The following SYNE1 variants were observed in gnomAD, a reference collection of about 807,000 sequenced individuals.
SYNE1 encodes the protein nesprin-1.
In SYNE1, 616 loss-of-function variants were observed where a neutral mutation model predicts 1,111.0. The observed-to-expected ratio is 0.55, with a 90% CI of 0.52 to 0.59. The LOEUF (loss-of-function observed/expected upper bound fraction) is 0.59, where lower values mean the gene tolerates loss of function less well. Ranked by LOEUF, SYNE1 falls within the 20% of genes least tolerant of loss-of-function variation. The pLI, the probability that SYNE1 is intolerant of heterozygous loss-of-function variation, is 0.00. For synonymous variants in SYNE1, 3,855 were observed against 3,825.8 expected (o/e 1.01, Z -0.28); for missense variants, 10,006 against 10,417.0 (o/e 0.96, Z 1.72).
At chr6:152,601,044 C>T (rs1323982299) in intron 3 of SYNE1, among the ~76,000 whole-genome samples, 4 of 152,180 alleles carry the variant, frequency 2.6e-5, no homozygotes, top group Admixed American at 6.5e-5. Flanking sequence ...GGGAAGATCA[C>T]TTTCCAAATC....
At chr6:152,589,790 A>C (rs1295813950) in intron 3 of SYNE1, among the ~76,000 whole-genome samples, 1 of 152,168 alleles carries the variant, frequency 6.6e-6, no homozygotes. Context: ...CTACTACTTT[A>C]GCAAACCTTA....
chr6:152,434,651 A>G (rs1160411634), intron 33 of SYNE1: 1 of 152,154 alleles, frequency 6.6e-6, no homozygotes, highest in Non-Finnish European at 1.5e-5. Flanking sequence ...TTTCAACTAT[A>G]GATTTCTAAT....
intron 87 of SYNE1, chr6:152,311,104 A>T (rs1318298493): frequency 3.5e-6 from 2 of 566,890 alleles, no homozygotes; most frequent in African/African-American, 3.7e-5. Flanking sequence ...GTCACATGTC[A>T]TACTACGTGT....
Position 152,149,614 on chromosome 6 carries a change from G to C in SYNE1, c.24505C>G (p.Gln8169Glu), listed in dbSNP as rs200061696. ...NHNKIEQIIA[Q>E]GEQLIEKSEP... is the part of the protein sequence containing the mutation. ...CTCTTTTCTATCAGCTGTTCTCCTT[G>C]GGCAATTATCTGCTCAATCTTATTG... The change falls in exon 136 of 146, where the codon CAA (glutamine) becomes GAA (glutamate). Residue 8169 changes from glutamine to glutamate, a missense_variant. Around this residue, in one of 7 missense-constraint regions of SYNE1, gnomAD observed 761 missense variants for 795.5 expected, o/e 0.96. Transcript: ENST00000367255. 1.2e-6 allele frequency: 2 copies of C among 1,613,988 alleles called. No individual in the cohort carries two copies. The highest frequency in any genetic ancestry group is 2.2e-5 in the East Asian group (1 of 44,866).
intron 145 of SYNE1, chr6:152,125,194 TG>T: frequency 6.6e-7 from 1 of 1,512,066 alleles, no homozygotes; most frequent in Non-Finnish European, 8.9e-7. Context: ...CCGCACTCTC[TG>T]CTGTGAAATG....
Position 152,255,699 on chromosome 6 carries a change from A to G in SYNE1, c.19152T>C (p.Tyr6384=), listed in dbSNP as rs753327087. 1 of 1,614,240 alleles carries G rather than the reference A, an allele frequency of 6.2e-7. No individual in the cohort carries two copies. The highest frequency in any genetic ancestry group is 1.7e-5 in the Admixed American group (1 of 60,028). ...AAGTAGAGGTGGCTGAGACTCCATC[A>G]TACAACTTCTGCTCCAAGTGTATAC... The part of the protein sequence containing the change: ...RQSIHLEQKL[Y]DGVSATSTWL... Residue 6384 remains tyrosine, a synonymous_variant, in exon 103 of 146, where the codon TAT becomes TAC. Coordinates refer to ENST00000367255, the MANE Select transcript of SYNE1 (RefSeq NM_182961.4).
At chr6:152,206,557 G>GGTAA (rs1391469230) in intron 125 of SYNE1, among the ~76,000 whole-genome samples, 195 bp from the exon 126 acceptor site, 1 of 152,174 alleles carries the variant, frequency 6.6e-6, no homozygotes, top group Non-Finnish European at 1.5e-5. Flanking sequence ...CTGTCTCCAA[G>GGTAA]GTAAGTACGA....
chr6:152,596,037 A>G (rs1320697452), intron 3 of SYNE1, among the ~76,000 whole-genome samples: 1 of 124,870 alleles, frequency 8.0e-6, no homozygotes, highest in African/African-American at 3.0e-5. Flanking sequence ...GATTCTACAT[A>G]TTTCTTTCTG....
chr6:152,499,506 T>C (rs1338811554), intron 10 of SYNE1, among the ~76,000 whole-genome samples: 1 of 152,078 alleles, frequency 6.6e-6, no homozygotes, highest in Non-Finnish European at 1.5e-5. Context: ...GGTAGATATG[T>C]TCATGCCAAG....
At chr6:152,124,498 C>T (rs2052625140) in intron 145 of SYNE1, among the ~76,000 whole-genome samples, 1 of 152,198 alleles carries the variant, frequency 6.6e-6, no homozygotes, top group Non-Finnish European at 1.5e-5. Flanking sequence ...AGGTGTCAAC[C>T]TCTTCACTAA....
rs1350630909 is a variant in SYNE1 at position 152,433,845 on chromosome 6, C to T, written c.4411G>A (p.Ala1471Thr). ...ATGGCAGATGACGAAGTTTCCAAGG[C>T]ATTGAGTTCTTTTTCTTTCTCAGTT... ...WITEKEKELN[A>T]LETSSSAMDM... The change falls in exon 34 of 146, where the codon GCC becomes ACC. Residue 1471 changes from alanine to threonine, a missense_variant. By Grantham distance (58) the Ala-to-Thr change is moderately conservative. Transcript: ENST00000367255. 2 of 1,613,878 alleles carry T rather than the reference C, an allele frequency of 1.2e-6. No homozygotes were observed. Among genetic ancestry groups the T allele is most frequent in the Admixed American group, 1.7e-5 (1 of 59,998 alleles).
chr6:152,311,503 G>A (rs1407914970), intron 87 of SYNE1, among the ~76,000 whole-genome samples: 1 of 152,176 alleles, frequency 6.6e-6, no homozygotes, highest in Admixed American at 6.5e-5. Context: ...TACAGTCTAT[G>A]AAAAGTAGAA....
intron 3 of SYNE1, among the ~76,000 whole-genome samples, chr6:152,627,928 G>T (rs2099689206): frequency 6.6e-6 from 1 of 151,694 alleles, no homozygotes; most frequent in Admixed American, 6.6e-5. Context: ...AACAACTGAG[G>T]ATGTATTGTC....
At chr6:152,230,752 A>C (rs769099188) in intron 114 of SYNE1, 50 bp from the exon 115 acceptor site, 3 of 1,579,522 alleles carry the variant, frequency 1.9e-6, no homozygotes, top group Admixed American at 3.4e-5. Flanking sequence ...TAATAAAATC[A>C]AATCATTAGC....
intron 22 of SYNE1, among the ~76,000 whole-genome samples, chr6:152,457,237 A>G (rs978795976): frequency 6.6e-6 from 1 of 152,144 alleles, no homozygotes; most frequent in Non-Finnish European, 1.5e-5. Context: ...ATCTAATGTA[A>G]TATCTGCAAT....
intron 39 of SYNE1, among the ~76,000 whole-genome samples, chr6:152,420,806 T>C (rs1014645738): frequency 1.3e-5 from 2 of 151,918 alleles, no homozygotes; most frequent in Non-Finnish European, 2.9e-5. Flanking sequence ...TCAAGATAAC[T>C]TTTTTTTCTT....
chr6:152,407,627 C>A (rs116838936), intron 44 of SYNE1, among the ~76,000 whole-genome samples: 2,119 of 152,062 alleles, frequency 0.014, 48 homozygotes, highest in African/African-American at 0.048. Context: ...TAACATAACG[C>A]ATATGAAAGC....
rs746535560 is a variant in SYNE1 at position 152,278,104 on chromosome 6, C to T, written c.18558G>A (p.Lys6186=). The part of the protein sequence containing the change: ...LLELQRALHD[K]QLNMQGTAQE... ...GAACCCTCACCTGCATGTTGAGCTG[C>T]TTATCATGCAGGGCTCTCTGCAGCT... Residue 6186 remains lysine (K), a synonymous_variant, in exon 98 of 146, where the codon AAG becomes AAA. Coordinates refer to ENST00000367255, the MANE Select transcript of SYNE1 (RefSeq NM_182961.4). 6.2e-7 allele frequency: 1 copy of T among 1,613,996 alleles called. No individual in the cohort carries two copies. Among genetic ancestry groups the T allele is most frequent in the South Asian group, 1.1e-5 (1 of 91,082 alleles).
intron 109 of SYNE1, 143 bp from the exon 110 acceptor site, chr6:152,236,446 T>C (rs1474572157): frequency 1.4e-6 from 1 of 691,074 alleles, no homozygotes; most frequent in Non-Finnish European, 2.4e-6. Context: ...TTGAAAACTT[T>C]AAGATGTTTC....
Sources: allele counts gnomAD v4.1 joint callset (sites outside exome capture counted in the v4.1 genomes callset), GRCh38; gene constraint gnomAD v4.1.1; regional missense constraint gnomAD v4.1.1; transcripts MANE v1.5; gene names NCBI Gene and HGNC (gene_info 2026-07-23, HGNC 2026-07-21).